PLCZ1: variants seen among roughly 807,000 people sequenced by gnomAD.
PLCZ1 encodes phospholipase C zeta 1, also known as 1-phosphatidylinositol 4,5-bisphosphate phosphodiesterase zeta-1.
A neutral mutation model predicts 76.8 loss-of-function variants in PLCZ1; 64 were observed. The ratio of observed to expected loss-of-function variants is 0.83; its 90% CI spans 0.68 to 1.03. The LOEUF is 1.03. Ranked by LOEUF, PLCZ1 falls within the 50% of genes least tolerant of loss-of-function variation. The probability of loss-of-function intolerance (pLI) is 0.00; values close to 1 mark genes in which losing one functional copy is unlikely to be tolerated. For synonymous variants in PLCZ1, 248 were observed against 230.8 expected, an observed-to-expected ratio of 1.07 and a Z score of -0.68; for missense variants, 751 against 713.7, an observed-to-expected ratio of 1.05 and a Z score of -0.60.
the PLCZ1 span, among the ~76,000 whole-genome samples, chr12:18,653,007 C>CA: frequency 6.6e-6 from 1 of 152,050 alleles, no homozygotes; most frequent in Non-Finnish European, 1.5e-5. Context: ...TTTGGACACA[C>CA]AGTCACCCCC....
intron 11 of PLCZ1, 111 bp downstream of exon 11, chr12:18,696,039 G>T: frequency 1.6e-6 from 1 of 610,766 alleles, no homozygotes; most frequent in Admixed American, 2.4e-5. Context: ...CAAAGCCCCC[G>T]GGCTAAAAAA....
At chr12:18,700,512 C>CAAAAAAAAAAAAAAAAAAAAA (rs11324526) in intron 9 of PLCZ1, among the ~76,000 whole-genome samples, 3 of 67,894 alleles carry the variant, frequency 4.4e-5, no homozygotes, top group Non-Finnish European at 7.5e-5. Flanking sequence ...AGCCAACGTA[C>CAAAAAAAAAAAAAAAAAAAAA]AAAAAAAAAA....
At chr12:18,674,251 A>T in the PLCZ1 span, among the ~76,000 whole-genome samples, 2 of 152,218 alleles carry the variant, frequency 1.3e-5, no homozygotes, top group Admixed American at 6.5e-5. Context: ...ATAGCTTAAT[A>T]TAATAATGAC....
rs547926117 is a variant in PLCZ1 at position 18,712,061 on chromosome 12, T to C, written c.714+781A>G. Among the ~76,000 whole-genome samples, 8 of 152,290 alleles carry C rather than the reference T, an allele frequency of 5.3e-5. No individual in the cohort carries two copies. The South Asian group carries it at 1.7e-3, about 32-fold the overall frequency. On this transcript the variant is annotated intron_variant, in intron 6 of 14. Coordinates refer to ENST00000266505, the MANE Select transcript of PLCZ1 (RefSeq NM_033123.4). Reference sequence around the variant, plus strand: ...TTGACATAGGAGAACTTTATTACATTTGTAAATTTAATGTATTAGGTACAC... The same window carrying C: ...TTGACATAGGAGAACTTTATTACATCTGTAAATTTAATGTATTAGGTACAC...
chr12:18,671,106 A>T, the PLCZ1 span, among the ~76,000 whole-genome samples: 2 of 151,358 alleles, frequency 1.3e-5, no homozygotes, highest in Admixed American at 1.3e-4. Flanking sequence ...GAGCCTGGGA[A>T]GTGGAGGTGA....
chr12:18,646,812 G>A, the PLCZ1 span, among the ~76,000 whole-genome samples: 7 of 151,888 alleles, frequency 4.6e-5, no homozygotes, highest in African/African-American at 1.5e-4. Flanking sequence ...ATTTCTTAGC[G>A]GTACTATGCC....
At position 18,699,771 on chromosome 12, in the gene PLCZ1, CTATT is replaced by C. The variant is rs778884467; in HGVS notation, c.1174+19_1174+22del. 3.1e-6 allele frequency: 5 copies of C among 1,600,840 alleles called. No individual in the cohort carries two copies. The East Asian group carries it at 9.0e-5, about 29-fold the overall frequency. On this transcript the variant is annotated intron_variant, in intron 10 of 14. Coordinates refer to ENST00000266505, the MANE Select transcript of PLCZ1 (RefSeq NM_033123.4). ...AATCTAACTCATTTAAACATTTCAT[CTATT>C]TGAGTCACAAAAATTTACCTCGCAA...
chr12:18,674,137 G>T, the PLCZ1 span, among the ~76,000 whole-genome samples: 2 of 152,096 alleles, frequency 1.3e-5, no homozygotes, highest in Non-Finnish European at 2.9e-5. Flanking sequence ...AGAGGGAAAA[G>T]CATATAGAAA....
At position 18,701,484 on chromosome 12, in the gene PLCZ1, A is replaced by G; in HGVS notation, c.1017+17T>C. 6.2e-7 allele frequency: 1 copy of G among 1,614,104 alleles called. No homozygotes were observed. The highest frequency in any genetic ancestry group is 8.5e-7 in the Non-Finnish European group (1 of 1,180,002). On this transcript the variant is annotated intron_variant, in intron 9 of 14. Transcript: ENST00000266505. Reference sequence around the variant, plus strand: ...CTTTCCAATCACTTGTAAGATTTTCACAAAACACCACCTCACCTTCTTTTT... The same window carrying G: ...CTTTCCAATCACTTGTAAGATTTTCGCAAAACACCACCTCACCTTCTTTTT...
At chr12:18,679,988 A>G (rs113224599), downstream of PLCZ1, among the ~76,000 whole-genome samples, 2 of 152,026 alleles carry the variant, frequency 1.3e-5, no homozygotes, top group African/African-American at 4.8e-5. Flanking sequence ...TAGCTTAACT[A>G]TGAATCCTAT....
At chr12:18,722,863 T>G (rs1353430769) in intron 4 of PLCZ1, among the ~76,000 whole-genome samples, 1 of 152,080 alleles carries the variant, frequency 6.6e-6, no homozygotes, top group Non-Finnish European at 1.5e-5. Flanking sequence ...TTATAATATT[T>G]TCTTCTTAGA....
At chr12:18,723,564 G>C in intron 3 of PLCZ1, 22 bp from the exon 4 acceptor site, 1 of 1,563,804 alleles carries the variant, frequency 6.4e-7, no homozygotes, top group Non-Finnish European at 8.8e-7. Context: ...ATGACTGGTG[G>C]GCTCACATTG....
chr12:18,699,904 T>A lies in PLCZ1; in HGVS notation c.1064A>T (p.Tyr355Phe), dbSNP rs1025265193. 1.9e-6 allele frequency: 3 copies of A among 1,612,592 alleles called. No homozygotes were observed. The highest frequency in any genetic ancestry group is 2.5e-6 in the Non-Finnish European group (3 of 1,179,402). Residue 355 changes from tyrosine to phenylalanine, a missense_variant, in exon 10 of 15, where the codon TAT becomes TTT. Transcript: ENST00000266505. ...GCTTTTGAATTTCTCAGCTTTCGTA[T>A]AAATGACAAGATCAGATAAGGCCAG... ...IALALSDLVI[Y>F]TKAEKFKSFQ...
At chr12:18,662,535 C>A in the PLCZ1 span, among the ~76,000 whole-genome samples, 1 of 152,054 alleles carries the variant, frequency 6.6e-6, no homozygotes, top group Non-Finnish European at 1.5e-5. Flanking sequence ...TAAAGATCCA[C>A]AGTAAAGGTA....
chr12:18,732,117 A>G (rs572015202), intron 3 of PLCZ1, among the ~76,000 whole-genome samples: 1 of 152,212 alleles, frequency 6.6e-6, no homozygotes, highest in East Asian at 1.9e-4. Context: ...TCTATGCCAT[A>G]AACATATCCA....
At chr12:18,714,543 C>T (rs1431899450) in intron 5 of PLCZ1, 1 of 152,182 alleles carries the variant, frequency 6.6e-6, no homozygotes, top group Non-Finnish European at 1.5e-5. Context: ...TGAGAGCTGA[C>T]TTGAAACACC....
the PLCZ1 span, among the ~76,000 whole-genome samples, chr12:18,663,808 C>A: frequency 1.3e-5 from 2 of 151,978 alleles, no homozygotes; most frequent in Admixed American, 1.3e-4. Context: ...GAGAAAAAGG[C>A]AATATACAAA....
chr12:18,693,293 AG>A, intron 12 of PLCZ1: 5 of 1,525,308 alleles, frequency 3.3e-6, no homozygotes, highest in Non-Finnish European at 4.5e-6. Context: ...CCCTGGTCAC[AG>A]TGATGAAGGT....
Position 18,728,462 on chromosome 12 carries a change from C to T in PLCZ1, c.136-4920G>A, listed in dbSNP as rs1271998890. Among the ~76,000 whole-genome samples the T allele has an allele frequency of 3.3e-5, 5 of 151,854 alleles. No individual in the cohort carries two copies. In the East Asian group the frequency reaches 7.7e-4, roughly 24 times the overall value. On this transcript the variant is annotated intron_variant, in intron 3 of 14. Coordinates refer to ENST00000266505, the MANE Select transcript of PLCZ1 (RefSeq NM_033123.4). The stretch of plus-strand genomic sequence containing the variant: ...AACTTGTTCCTATTTAAGAAGTAGC[C>T]GTTAAGAGTCAATAAGATAGCTCAG...
Sources: allele counts gnomAD v4.1 joint callset (sites outside exome capture counted in the v4.1 genomes callset), GRCh38; gene constraint gnomAD v4.1.1; transcripts MANE v1.5; gene names NCBI Gene and HGNC (gene_info 2026-07-23, HGNC 2026-07-21).